PDS5B: variants seen among roughly 807,000 people sequenced by gnomAD.
The protein encoded by PDS5B is PDS5 cohesin associated factor B.
A neutral mutation model predicts 184.1 loss-of-function variants in PDS5B; 51 were observed. That is an observed-to-expected ratio of 0.28 (90% CI 0.22 to 0.35). The LOEUF (loss-of-function observed/expected upper bound fraction) is 0.35. Among genes scored for constraint, PDS5B ranks in the 10% least tolerant of loss-of-function variants. The pLI is 1.00. For missense variants in PDS5B, 1,180 were observed against 1,723.3 expected (o/e 0.68, Z 5.58); for synonymous variants, 566 against 569.2 (o/e 0.99, Z 0.08).
At chr13:32,767,464 C>T (rs1274470426) in intron 31 of PDS5B, among the ~76,000 whole-genome samples, 1 of 152,100 alleles carries the variant, frequency 6.6e-6, no homozygotes, top group Non-Finnish European at 1.5e-5. Context: ...AAATCTATCC[C>T]TACCTATGTA....
intron 1 of PDS5B, among the ~76,000 whole-genome samples, chr13:32,609,772 A>C (rs1363592533): frequency 2.6e-5 from 4 of 152,170 alleles, no homozygotes; most frequent in Non-Finnish European, 5.9e-5. Flanking sequence ...GAAGAGTCCA[A>C]AGTGGCTGGG....
intron 19 of PDS5B, among the ~76,000 whole-genome samples, chr13:32,731,548 T>A (rs1263833127): frequency 6.6e-6 from 1 of 152,068 alleles, no homozygotes; most frequent in Non-Finnish European, 1.5e-5. Context: ...CAGTTTAACA[T>A]AACATTTATT....
intron 17 of PDS5B, among the ~76,000 whole-genome samples, chr13:32,706,439 C>T (rs1258066333): frequency 6.6e-6 from 1 of 151,818 alleles, no homozygotes; most frequent in African/African-American, 2.4e-5. Flanking sequence ...TGTCTGTTAC[C>T]TAGGATTCTT....
Position 32,754,583 on chromosome 13 carries a change from C to CT in PDS5B, c.2941+1056dup, listed in dbSNP as rs67098964. Among the ~76,000 whole-genome samples, 5 of 151,408 alleles carry CT rather than the reference C, an allele frequency of 3.3e-5. No homozygotes were observed. The East Asian group carries it at 9.7e-4, about 29-fold the overall frequency. On this transcript the variant is annotated intron_variant, in intron 25 of 34. Coordinates refer to ENST00000315596, the MANE Select transcript of PDS5B (RefSeq NM_015032.4). The stretch of plus-strand genomic sequence containing the variant: ...TTACCACATCACTGTGACCCTCTTT[C>CT]TTTTTTTTTCCTTCCTTACGCTGGA...
At position 32,751,941 on chromosome 13, in the gene PDS5B, A is replaced by T. The variant is rs145878570; in HGVS notation, c.2737-1391A>T. ...AATGAAAGAAGATTTTAAAATAAGG[A>T]TTTAAAGATAAGGATGAGATGTTAT... On this transcript the variant is annotated intron_variant, in intron 24 of 34. Transcript: ENST00000315596. Among the ~76,000 whole-genome samples, 26 of 152,312 alleles carry T rather than the reference A, an allele frequency of 1.7e-4. No individual in the cohort carries two copies. The East Asian group carries it at 3.9e-3, about 23-fold the overall frequency.
intron 11 of PDS5B, among the ~76,000 whole-genome samples, 163 bp from the exon 12 acceptor site, chr13:32,686,971 T>C (rs1224004770): frequency 6.6e-6 from 1 of 152,170 alleles, no homozygotes; most frequent in Non-Finnish European, 1.5e-5. Flanking sequence ...GTGATAGTTG[T>C]GTTTTTTTTT....
chr13:32,679,749 T>A (rs576448274), intron 10 of PDS5B, among the ~76,000 whole-genome samples: 8 of 152,338 alleles, frequency 5.3e-5, no homozygotes, highest in African/African-American at 1.9e-4. Flanking sequence ...CTACTCAAAT[T>A]TGCAGTGCTT....
In PDS5B at chr13:32,673,196, G is replaced by A. The variant is rs761348217; in HGVS notation, c.706-20G>A. ...TCTCTGGTTTTTCTACTAATGATAG[G>A]CTTTCTTTCTCCTCAAAAGTTTTTT... On this transcript the variant is annotated intron_variant, in intron 7 of 34. Coordinates refer to ENST00000315596, the MANE Select transcript of PDS5B (RefSeq NM_015032.4). 1 of 1,602,356 alleles carries A rather than the reference G, an allele frequency of 6.2e-7. No individual in the cohort carries two copies. Among genetic ancestry groups the A allele is most frequent in the South Asian group, 1.1e-5 (1 of 89,648 alleles).
chr13:32,688,642 A>C (rs770163997), intron 13 of PDS5B, 73 bp downstream of exon 13: 3 of 864,930 alleles, frequency 3.5e-6, no homozygotes, highest in Non-Finnish European at 6.0e-6. Context: ...AAGAAACTAC[A>C]AACACCTGTA....
intron 7 of PDS5B, among the ~76,000 whole-genome samples, chr13:32,672,693 G>A (rs9315176): frequency 0.012 from 1,805 of 152,272 alleles, 37 homozygotes; most frequent in African/African-American, 0.04. Flanking sequence ...GAATGTCCCA[G>A]CCCAGAGGAG....
At chr13:32,712,880 T>A (rs1455566990) in intron 19 of PDS5B, among the ~76,000 whole-genome samples, 1 of 152,218 alleles carries the variant, frequency 6.6e-6, no homozygotes, top group East Asian at 1.9e-4. Context: ...AATATCTTTT[T>A]ACCAACTTTA....
chr13:32,756,307 T>A (rs1954177542), intron 26 of PDS5B, among the ~76,000 whole-genome samples: 1 of 152,200 alleles, frequency 6.6e-6, no homozygotes, highest in South Asian at 2.1e-4. Context: ...ATCATCTTGC[T>A]TTTACTCATG....
At chr13:32,589,438 A>G (rs1386100163) in intron 1 of PDS5B, among the ~76,000 whole-genome samples, 6 of 152,136 alleles carry the variant, frequency 3.9e-5, no homozygotes, top group African/African-American at 1.4e-4. Context: ...ATTTCTGTTT[A>G]GGATTCAGTC....
At chr13:32,692,992 A>G (rs1369658491) in intron 13 of PDS5B, among the ~76,000 whole-genome samples, 1 of 152,016 alleles carries the variant, frequency 6.6e-6, no homozygotes, top group Admixed American at 6.6e-5. Context: ...CTTTTATTTT[A>G]AGTGAAAGTA....
Position 32,717,121 on chromosome 13 carries a change from C to T in PDS5B, c.2123+7015C>T, listed in dbSNP as rs1225171849. ...GCCCCGTCCGGGAGGTGAGGGGCGC[C>T]TCTGCCCGGCCGCCCCTACTGGGAA... On this transcript the variant is annotated intron_variant, in intron 19 of 34. Transcript: ENST00000315596. Among the ~76,000 whole-genome samples, 180 of 152,074 alleles carry T rather than the reference C, an allele frequency of 1.2e-3. 1 individual carries two copies. Among genetic ancestry groups the T allele is most frequent in the African/African-American group, 4.1e-3 (169 of 41,502 alleles).
At chr13:32,750,017 T>C (rs1263036543) in intron 24 of PDS5B, among the ~76,000 whole-genome samples, 2 of 152,224 alleles carry the variant, frequency 1.3e-5, no homozygotes, top group Non-Finnish European at 2.9e-5. Context: ...CAGAAAAATA[T>C]TTGAAGACTT....
chr13:32,747,762 T>C (rs949952435), intron 24 of PDS5B, among the ~76,000 whole-genome samples: 4 of 152,210 alleles, frequency 2.6e-5, no homozygotes, highest in Non-Finnish European at 5.9e-5. Context: ...AGACCTGCAG[T>C]CTGTTTGTCA....
intron 19 of PDS5B, among the ~76,000 whole-genome samples, chr13:32,726,713 T>C (rs984207060): frequency 4.6e-5 from 7 of 152,166 alleles, no homozygotes; most frequent in Non-Finnish European, 1.0e-4. Context: ...AAGGCATATA[T>C]TTTTCCTTTC....
At chr13:32,681,507 G>A (rs969904153) in intron 10 of PDS5B, among the ~76,000 whole-genome samples, 5 of 151,772 alleles carry the variant, frequency 3.3e-5, no homozygotes, top group Admixed American at 6.6e-5. Flanking sequence ...ACCTGTAATC[G>A]CAGCTACCCG....
Sources: allele counts gnomAD v4.1 joint callset (sites outside exome capture counted in the v4.1 genomes callset), GRCh38; gene constraint gnomAD v4.1.1; transcripts MANE v1.5; gene names NCBI Gene and HGNC (gene_info 2026-07-23, HGNC 2026-07-21).